Variants in RPS6KA1 observed in about 807,000 individuals in gnomAD.
The protein encoded by RPS6KA1 is ribosomal protein S6 kinase A1.
RPS6KA1 carries 48 observed loss-of-function variants against 91.3 expected under a neutral mutation model. The observed-to-expected ratio is 0.53, with a 90% CI of 0.42 to 0.67. RPS6KA1 has a LOEUF of 0.67. RPS6KA1 is among the 30% of genes least tolerant of loss of function. RPS6KA1 has a pLI of 0.00. For missense variants in RPS6KA1, 719 were observed against 960.5 expected, an observed-to-expected ratio of 0.75 and a Z score of 3.32; for synonymous variants, 359 against 384.7, an observed-to-expected ratio of 0.93 and a Z score of 0.78.
chr1:26,548,186 G>A lies in RPS6KA1; in HGVS notation c.307+916G>A, dbSNP rs565124868. On this transcript the variant is annotated intron_variant, in intron 4 of 21. Transcript: ENST00000374168. ...AAGTCATCCCCCAGGAGGTATGGTG[G>A]CAGCTTCAGAGGGAGGAGAAAGATG... 3.9e-4 allele frequency among the ~76,000 whole-genome samples: 60 copies of A among 152,254 alleles called. No homozygotes were observed. In the South Asian group the frequency reaches 0.011, roughly 27 times the overall value.
At chr1:26,573,534 G>T (rs561749978) in intron 21 of RPS6KA1, among the ~76,000 whole-genome samples, 173 bp downstream of exon 21, 2 of 152,172 alleles carry the variant, frequency 1.3e-5, no homozygotes, top group African/African-American at 4.8e-5. Flanking sequence ...ACAGTGTCAC[G>T]GTGCACTCAC....
chr1:26,545,695 C>T (rs1008988391), intron 2 of RPS6KA1: 5 of 697,306 alleles, frequency 7.2e-6, no homozygotes, highest in African/African-American at 1.9e-5. Context: ...AGCCCTCAGG[C>T]TCTGAGGAGA....
chr1:26,554,317 G>A lies in RPS6KA1; in HGVS notation c.613+66G>A, dbSNP rs919427533. 8.1e-6 allele frequency: 12 copies of A among 1,486,646 alleles called. No individual in the cohort carries two copies. The highest frequency in any genetic ancestry group is 1.8e-4 in the Middle Eastern group (1 of 5,558). The allele number at this position is 1,486,646 out of a possible 1,614,324, so 92.1% of individuals were successfully genotyped here. A position where few individuals can be genotyped will look rare whatever the true frequency, so the allele number is the denominator to read the frequency against. On this transcript the variant is annotated intron_variant, in intron 8 of 21. Coordinates refer to ENST00000374168, the MANE Select transcript of RPS6KA1 (RefSeq NM_002953.4). The surrounding 1 kb of genome is among the most constrained non-coding windows in gnomAD (Gnocchi z 4.6). Reference sequence around the variant, plus strand: ...ACAGGACAAGGTCATGATAGGTCTCGGCTGAGTGCTGGGGGCTCATTCTTC... The same window carrying A: ...ACAGGACAAGGTCATGATAGGTCTCAGCTGAGTGCTGGGGGCTCATTCTTC...
At position 26,547,055 on chromosome 1, in the gene RPS6KA1, G is replaced by A; in HGVS notation, c.225+72G>A. 1 of 1,522,842 alleles carries A rather than the reference G, an allele frequency of 6.6e-7. No individual in the cohort carries two copies. Among genetic ancestry groups the A allele is most frequent in the Admixed American group, 1.7e-5 (1 of 59,876 alleles). 94.3% of individuals were successfully genotyped at this position (1,522,842 alleles called of 1,614,324 possible). ...AGGTGGGGGTCAAGGGTCACCTAGGGGCCCAAAGGATCAGAGGTCACCTTG... is the reference window on the plus strand; with the variant it reads ...AGGTGGGGGTCAAGGGTCACCTAGGAGCCCAAAGGATCAGAGGTCACCTTG... On this transcript the variant is annotated intron_variant, in intron 3 of 21. Transcript: ENST00000374168. The surrounding 1 kb of genome is among the most constrained non-coding windows in gnomAD (Gnocchi z 4.1).
chr1:26,543,321 T>A (rs1267914913), intron 2 of RPS6KA1: 3 of 890,590 alleles, frequency 3.4e-6, no homozygotes, highest in Non-Finnish European at 5.3e-6. Context: ...TCTGGGTGGT[T>A]TCCTGTCTCT....
rs1439201409 is a variant in RPS6KA1 at position 26,551,843 on chromosome 1, C to G, written c.468+120C>G. ...GGCTTGAACCTGGAACCACCCAGGC[C>G]TGCCTAGCAGCCCCTGGCCCAGGAA... On this transcript the variant is annotated intron_variant, in intron 6 of 21. Transcript: ENST00000374168. The surrounding 1 kb of genome is among the most constrained non-coding windows in gnomAD (Gnocchi z 4.5). 1.2e-6 allele frequency: 1 copy of G among 844,810 alleles called. No individual in the cohort carries two copies. Among genetic ancestry groups the G allele is most frequent in the African/African-American group, 1.7e-5 (1 of 59,418 alleles). 52.3% of individuals were successfully genotyped at this position (844,810 alleles called of 1,614,324 possible).
chr1:26,571,665 G>A lies in RPS6KA1; in HGVS notation c.1752+55G>A, dbSNP rs1187164369. The A allele has an allele frequency of 6.3e-7, 1 of 1,586,720 alleles. No individual in the cohort carries two copies. Among genetic ancestry groups the A allele is most frequent in the Admixed American group, 1.7e-5 (1 of 57,366 alleles). ...AGTGAGGGGGAATTGGAGGCCTTGT[G>A]CCCCCTCCCAGAGGCCCCACATTAG... On this transcript the variant is annotated intron_variant, in intron 18 of 21. Transcript: ENST00000374168. The surrounding 1 kb of genome is among the most constrained non-coding windows in gnomAD (Gnocchi z 5.1).
intron 1 of RPS6KA1, among the ~76,000 whole-genome samples, chr1:26,530,589 C>G (rs1374492943): frequency 6.6e-6 from 1 of 152,168 alleles, no homozygotes; most frequent in Non-Finnish European, 1.5e-5. Flanking sequence ...GGGAAGAGCC[C>G]TTAGACCTTG....
Position 26,560,709 on chromosome 1 carries a change from T to C in RPS6KA1, c.1216-17T>C. 1 of 1,613,486 alleles carries C rather than the reference T, an allele frequency of 6.2e-7. No homozygotes were observed. On this transcript the variant is annotated splice_polypyrimidine_tract_variant and intron_variant, in intron 14 of 21. Coordinates refer to ENST00000374168, the MANE Select transcript of RPS6KA1 (RefSeq NM_002953.4). ...CTCTAGAGCCAGGGGTCAGCCACAA[T>C]TTTTGGTCTCCTACAGCAACTCCAT...
rs2076247172 is a variant in RPS6KA1 at position 26,571,366 on chromosome 1, G to T, written c.1591-83G>T. The T allele has an allele frequency of 7.3e-7, 1 of 1,375,262 alleles. No homozygotes were observed. The highest frequency in any genetic ancestry group is 1.4e-5 in the African/African-American group (1 of 70,276). 85.2% of individuals were successfully genotyped at this position (1,375,262 alleles called of 1,614,324 possible). On this transcript the variant is annotated intron_variant, in intron 17 of 21. Transcript: ENST00000374168. This position sits in a 1 kb window ranked among gnomAD's most constrained non-coding sequence, Gnocchi z 5.1. ...ACCCGTCCCTCTGCACCCTGTCTGTGTAGCTTTCTAATCTCTGGCCGCTGA... is the reference window on the plus strand; with the variant it reads ...ACCCGTCCCTCTGCACCCTGTCTGTTTAGCTTTCTAATCTCTGGCCGCTGA...
At position 26,571,714 on chromosome 1, in the gene RPS6KA1, T is replaced by C; in HGVS notation, c.1752+104T>C. The C allele has an allele frequency of 6.7e-6, 10 of 1,502,796 alleles. No individual in the cohort carries two copies. The highest frequency in any genetic ancestry group is 8.1e-6 in the Non-Finnish European group (9 of 1,109,024). 93.1% of individuals were successfully genotyped at this position (1,502,796 alleles called of 1,614,324 possible). The stretch of plus-strand genomic sequence containing the variant: ...AGCCGGGACTCCAGTCTCTGTGACC[T>C]TGGCCCAGCTGGCAAGGGAAGATCT... On this transcript the variant is annotated intron_variant, in intron 18 of 21. Transcript: ENST00000374168. This position sits in a 1 kb window ranked among gnomAD's most constrained non-coding sequence, Gnocchi z 5.1.
chr1:26,547,274 A>G lies in RPS6KA1; in HGVS notation c.307+4A>G. On this transcript the variant is annotated splice_donor_region_variant and intron_variant, in intron 4 of 21. Coordinates refer to ENST00000374168, the MANE Select transcript of RPS6KA1 (RefSeq NM_002953.4). The surrounding 1 kb of genome is among the most constrained non-coding windows in gnomAD (Gnocchi z 4.1). ...CTGAAGAAGGCAACGCTGAAAGGTG[A>G]GTGGGGACACCTCCCTGTGCAGAAC... 6.2e-7 allele frequency: 1 copy of G among 1,611,872 alleles called. No individual in the cohort carries two copies. The highest frequency in any genetic ancestry group is 8.5e-7 in the Non-Finnish European group (1 of 1,178,576).
intron 1 of RPS6KA1, among the ~76,000 whole-genome samples, chr1:26,533,172 C>T (rs1401968508): frequency 4.6e-5 from 7 of 152,266 alleles, no homozygotes; most frequent in East Asian, 3.9e-4. Context: ...CTCCACCTCC[C>T]GGGTTCAAGT....
chr1:26,571,136 T>G lies in RPS6KA1; in HGVS notation c.1591-313T>G. 3.8e-6 allele frequency: 1 copy of G among 265,004 alleles called. No individual in the cohort carries two copies. Among genetic ancestry groups the G allele is most frequent in the Non-Finnish European group, 7.2e-6 (1 of 138,526 alleles). 16.4% of individuals were successfully genotyped at this position (265,004 alleles called of 1,614,324 possible). ...GACTCCATCTCAAAAAAAAAAGACT[T>G]TTAAGATTTTGACCTAAGTAACAGG... On this transcript the variant is annotated intron_variant, in intron 17 of 21. Coordinates refer to ENST00000374168, the MANE Select transcript of RPS6KA1 (RefSeq NM_002953.4). This position sits in a 1 kb window ranked among gnomAD's most constrained non-coding sequence, Gnocchi z 5.1.
At chr1:26,546,001 T>C (rs745847568) in intron 2 of RPS6KA1, 3 of 1,611,638 alleles carry the variant, frequency 1.9e-6, no homozygotes, top group African/African-American at 2.7e-5. Context: ...TCTCTGCCTG[T>C]CCCTGGCCCT....
Position 26,571,250 on chromosome 1 carries a change from C to A in RPS6KA1, c.1591-199C>A, listed in dbSNP as rs908580089. On this transcript the variant is annotated intron_variant, in intron 17 of 21. Transcript: ENST00000374168. This position sits in a 1 kb window ranked among gnomAD's most constrained non-coding sequence, Gnocchi z 5.1. ...TCAGTTTTGACAGGTTAACTTAGAG[C>A]TACCTGTAGACACCTACACAGAGTC... The A allele has an allele frequency of 1.4e-5, 8 of 577,126 alleles. No individual in the cohort carries two copies. The African/African-American group carries it at 1.5e-4, about 11-fold the overall frequency. The allele number at this position is 577,126 out of a possible 1,614,324, so 35.8% of individuals were successfully genotyped here.
In RPS6KA1 at chr1:26,554,824, C is replaced by G. The variant is rs2124641749; in HGVS notation, c.756+86C>G. ...TGTACAGTGAGGGGGTTGATCATTT[C>G]TAGGGCTCTCCCCGTCTCCTCTCAC... On this transcript the variant is annotated intron_variant, in intron 9 of 21. Coordinates refer to ENST00000374168, the MANE Select transcript of RPS6KA1 (RefSeq NM_002953.4). This position sits in a 1 kb window ranked among gnomAD's most constrained non-coding sequence, Gnocchi z 4.6. The G allele has an allele frequency of 6.7e-7, 1 of 1,483,858 alleles. No homozygotes were observed. The highest frequency in any genetic ancestry group is 9.1e-7 in the Non-Finnish European group (1 of 1,101,248). The allele number at this position is 1,483,858 out of a possible 1,614,324, so 91.9% of individuals were successfully genotyped here.
In RPS6KA1 at chr1:26,561,073, C is replaced by T. The variant is rs766116930; in HGVS notation, c.1370C>T (p.Ser457Leu). ...ATTGATAAGAGCAAGCGGGATCCTTCAGAAGAGATTGAGATTCTTCTGCGG... is the reference window on the plus strand; with the variant it reads ...ATTGATAAGAGCAAGCGGGATCCTTTAGAAGAGATTGAGATTCTTCTGCGG... Reference protein sequence around the residue: ...KVIDKSKRDPSEEIEILLRYG... With the variant: ...KVIDKSKRDPLEEIEILLRYG... Residue 457 changes from serine to leucine, a missense_variant, in exon 16 of 22, where the codon TCA becomes TTA. Ser to Leu is a moderately radical substitution (Grantham distance 145). Around this residue, in one of 5 missense-constraint regions of RPS6KA1, gnomAD observed 26 missense variants for 69.6 expected, o/e 0.37. Transcript: ENST00000374168. The surrounding 1 kb of genome is among the most constrained non-coding windows in gnomAD (Gnocchi z 5.7). 6.2e-7 allele frequency: 1 copy of T among 1,614,016 alleles called. No homozygotes were observed. The highest frequency in any genetic ancestry group is 8.5e-7 in the Non-Finnish European group (1 of 1,180,022).
rs1331131755 is a variant in RPS6KA1 at position 26,556,692 on chromosome 1, G to A, written c.955G>A (p.Val319Ile). 3.1e-6 allele frequency: 5 copies of A among 1,614,218 alleles called. No individual in the cohort carries two copies. Among genetic ancestry groups the A allele is most frequent in the Non-Finnish European group, 4.2e-6 (5 of 1,180,042 alleles). Residue 319 changes from valine to isoleucine, a missense_variant, in exon 12 of 22, where the codon GTC becomes ATC. Coordinates refer to ENST00000374168, the MANE Select transcript of RPS6KA1 (RefSeq NM_002953.4). Reference protein sequence around the residue: ...PDGAEEIKRHVFYSTIDWNKL... With the variant: ...PDGAEEIKRHIFYSTIDWNKL... ...TGGGGCAGAGGAAATCAAGCGGCAT[G>A]TCTTCTACTCCACCATTGACTGGAA...
Sources: gnomAD v4.1 joint callset for allele counts (sites outside exome capture counted in the v4.1 genomes callset) on GRCh38, gnomAD v4.1.1 for gene constraint, gnomAD v4.1.1 regional missense constraint, Gnocchi (gnomAD v3.1) non-coding constraint, MANE v1.5 for transcripts, NCBI Gene and HGNC (gene_info 2026-07-23, HGNC 2026-07-21) for gene names.